The following ADGRL3 variants were observed in gnomAD, a reference collection of about 807,000 sequenced individuals.
ADGRL3 encodes adhesion G protein-coupled receptor L3.
A neutral mutation model predicts 153.5 loss-of-function variants in ADGRL3; 62 were observed. The ratio of observed to expected loss-of-function variants is 0.40; its 90% CI spans 0.33 to 0.50. The LOEUF (loss-of-function observed/expected upper bound fraction) is 0.50. Among genes scored for constraint, ADGRL3 ranks in the 20% least tolerant of loss-of-function variants. The pLI, the probability that ADGRL3 is intolerant of heterozygous loss-of-function variation, is 0.47. For missense variants in ADGRL3, 1,641 were observed against 1,859.4 expected, an observed-to-expected ratio of 0.88 and a Z score of 2.16; for synonymous variants, 710 against 672.5, an observed-to-expected ratio of 1.06 and a Z score of -0.86.
intron 9 of ADGRL3, among the ~76,000 whole-genome samples, chr4:61,850,454 C>T (rs1333717709): frequency 6.6e-6 from 1 of 152,078 alleles, no homozygotes; most frequent in Non-Finnish European, 1.5e-5. Context: ...TGATATCAGA[C>T]TTTCACTTCT....
rs1735491381 is a variant in ADGRL3, at chr4:61,202,994, G to A, written c.-240+1229G>A. Reference sequence around the variant, plus strand: ...AGGCCACGGGGGCCCCCGCAGGGTGGCGAGGAAACCTTGCCGTGTCCCCTT... The same window carrying A: ...AGGCCACGGGGGCCCCCGCAGGGTGACGAGGAAACCTTGCCGTGTCCCCTT... On this transcript the variant is annotated intron_variant, in intron 1 of 26. Transcript: ENST00000683033. This position sits in a 1 kb window ranked among gnomAD's most constrained non-coding sequence, Gnocchi z 5.0. Among the ~76,000 whole-genome samples, 1 of 152,204 alleles carries A rather than the reference G, an allele frequency of 6.6e-6. No individual in the cohort carries two copies. Among genetic ancestry groups the A allele is most frequent in the Non-Finnish European group, 1.5e-5 (1 of 68,034 alleles).
At chr4:62,068,222 T>C in intron 26 of ADGRL3, 39 bp downstream of exon 26, 1 of 1,536,946 alleles carries the variant, frequency 6.5e-7, no homozygotes, top group South Asian at 1.2e-5. Flanking sequence ...TCAAATGTAA[T>C]TTTTTTTAGT....
At chr4:61,921,479 C>T (rs1356828172) in intron 13 of ADGRL3, among the ~76,000 whole-genome samples, 1 of 152,088 alleles carries the variant, frequency 6.6e-6, no homozygotes, top group Non-Finnish European at 1.5e-5. Context: ...AGTACAGTGG[C>T]GTGATCTCGG....
At chr4:61,409,234 T>TA (rs1209872551) in intron 2 of ADGRL3, among the ~76,000 whole-genome samples, 1 of 144,062 alleles carries the variant, frequency 6.9e-6, no homozygotes, top group Non-Finnish European at 1.5e-5. Flanking sequence ...ATATTATATA[T>TA]ATTAGACATA....
At chr4:61,552,777 T>A (rs2098746232) in intron 4 of ADGRL3, among the ~76,000 whole-genome samples, 2 of 152,210 alleles carry the variant, frequency 1.3e-5, no homozygotes, top group Non-Finnish European at 2.9e-5. Flanking sequence ...TCAGCCTTTT[T>A]AATATCAAGG....
At chr4:61,648,516 A>T (rs367686364) in intron 5 of ADGRL3, among the ~76,000 whole-genome samples, 47 of 127,522 alleles carry the variant, frequency 3.7e-4, no homozygotes, top group African/African-American at 1.1e-3. Flanking sequence ...TGCATTAGGA[A>T]TTTTTTTGTT....
At chr4:61,572,806 G>A (rs1375378625) in intron 4 of ADGRL3, among the ~76,000 whole-genome samples, 1 of 151,906 alleles carries the variant, frequency 6.6e-6, no homozygotes, top group Non-Finnish European at 1.5e-5. Flanking sequence ...GCACTTTGGA[G>A]CTTTATAATT....
chr4:61,220,312 T>C (rs1184219920), intron 1 of ADGRL3, among the ~76,000 whole-genome samples: 1 of 152,044 alleles, frequency 6.6e-6, no homozygotes, highest in Non-Finnish European at 1.5e-5. Flanking sequence ...TAGGACAAGC[T>C]CTAATAACTT....
intron 9 of ADGRL3, among the ~76,000 whole-genome samples, chr4:61,873,743 T>C (rs947506762): frequency 1.3e-5 from 2 of 152,136 alleles, no homozygotes; most frequent in African/African-American, 4.8e-5. Flanking sequence ...CTCTAAATCA[T>C]TGTTTCTCAA....
intron 9 of ADGRL3, among the ~76,000 whole-genome samples, chr4:61,880,472 A>G (rs1383696133): frequency 6.6e-6 from 1 of 152,232 alleles, no homozygotes; most frequent in Non-Finnish European, 1.5e-5. Flanking sequence ...TATCAAAGTC[A>G]CAGTATAATT....
intron 1 of ADGRL3, among the ~76,000 whole-genome samples, chr4:61,369,749 G>T (rs2096483555): frequency 6.6e-6 from 1 of 152,188 alleles, no homozygotes; most frequent in East Asian, 1.9e-4. Flanking sequence ...CTCATAAAAT[G>T]AGTTAGGGAG....
At chr4:61,467,040 T>C (rs1329025674) in intron 2 of ADGRL3, among the ~76,000 whole-genome samples, 1 of 152,158 alleles carries the variant, frequency 6.6e-6, no homozygotes, top group Non-Finnish European at 1.5e-5. Flanking sequence ...CATCAATATG[T>C]GATAAGTACT....
At chr4:61,289,050 C>A (rs1234490678) in intron 1 of ADGRL3, among the ~76,000 whole-genome samples, 1 of 151,816 alleles carries the variant, frequency 6.6e-6, no homozygotes, top group Non-Finnish European at 1.5e-5. Flanking sequence ...GATATACGTA[C>A]ATAAGTTAAC....
intron 9 of ADGRL3, among the ~76,000 whole-genome samples, chr4:61,855,216 T>A (rs1382566730): frequency 1.3e-5 from 2 of 152,152 alleles, no homozygotes; most frequent in Admixed American, 6.6e-5. Flanking sequence ...AGAAACTGAA[T>A]GCTGGCTCTA....
chr4:62,037,804 C>T lies in ADGRL3; in HGVS notation c.3665C>T (p.Ser1222Leu). 6.2e-7 allele frequency: 1 copy of T among 1,613,710 alleles called. No homozygotes were observed. The highest frequency in any genetic ancestry group is 8.5e-7 in the Non-Finnish European group (1 of 1,179,732). Reference protein sequence around the residue: ...SGKSTESSIGSGKTSGSRTPG... With the variant: ...SGKSTESSIGLGKTSGSRTPG... ...AAAAGTACAGAGAGTTCCATTGGTT[C>T]AGGGAAAACATCTGGTTCTCGAACT... The change falls in exon 24 of 27, where the codon TCA becomes TTA. Residue 1222 changes from serine (S) to leucine (L), a missense_variant. Ser to Leu is a moderately radical substitution (Grantham distance 145). This residue lies in a region of ADGRL3 where 517 missense variants were observed against 555.0 expected (regional missense o/e 0.93). Transcript: ENST00000683033.
chr4:61,603,756 C>T (rs1288096778), intron 5 of ADGRL3, among the ~76,000 whole-genome samples: 1 of 144,956 alleles, frequency 6.9e-6, no homozygotes, highest in Non-Finnish European at 1.5e-5. Context: ...GTTTGTTTTC[C>T]CTGACATCTG....
chr4:61,589,923 C>A (rs1160253753), intron 5 of ADGRL3, among the ~76,000 whole-genome samples: 1 of 152,132 alleles, frequency 6.6e-6, no homozygotes, highest in African/African-American at 2.4e-5. Flanking sequence ...GCTTTGCAAT[C>A]TGATATATGG....
At chr4:62,052,904 C>A (rs1734968899) in intron 25 of ADGRL3, among the ~76,000 whole-genome samples, 1 of 151,160 alleles carries the variant, frequency 6.6e-6, no homozygotes, top group Admixed American at 6.6e-5. Flanking sequence ...GTTGAAATTT[C>A]AGTGATAATA....
intron 21 of ADGRL3, among the ~76,000 whole-genome samples, chr4:61,998,919 A>G (rs981249031): frequency 1.3e-5 from 2 of 151,146 alleles, no homozygotes; most frequent in African/African-American, 2.4e-5. Context: ...ACTTCCTCAC[A>G]CTCCATCTCC....
Sources: gnomAD v4.1 joint callset for allele counts (sites outside exome capture counted in the v4.1 genomes callset) on GRCh38, gnomAD v4.1.1 for gene constraint, gnomAD v4.1.1 regional missense constraint, Gnocchi (gnomAD v3.1) non-coding constraint, MANE v1.5 for transcripts, NCBI Gene and HGNC (gene_info 2026-07-23, HGNC 2026-07-21) for gene names.